Variants in KTN1 observed in about 807,000 individuals in gnomAD.
KTN1 encodes the protein kinectin 1.
In KTN1, 130 loss-of-function variants were observed where a neutral mutation model predicts 222.5. That is an observed-to-expected ratio of 0.58 (90% CI 0.51 to 0.68). KTN1 has a LOEUF of 0.68. Ranked by LOEUF, KTN1 falls within the 30% of genes least tolerant of loss-of-function variation. The pLI is 0.00. For synonymous variants in KTN1, 512 were observed against 496.3 expected, an observed-to-expected ratio of 1.03 and a Z score of -0.42; for missense variants, 1,508 against 1,500.4, an observed-to-expected ratio of 1.01 and a Z score of -0.08.
chr14:55,663,139 C>T (rs1180182557), intron 32 of KTN1: 1 of 336,654 alleles, frequency 3.0e-6, no homozygotes, highest in African/African-American at 2.1e-5. Flanking sequence ...AATTTGTGAA[C>T]TGCCAAGTAC....
chr14:55,602,206 T>C (rs2036076703), intron 1 of KTN1, among the ~76,000 whole-genome samples: 1 of 152,260 alleles, frequency 6.6e-6, no homozygotes, highest in Admixed American at 6.5e-5. Context: ...TTTATCACAC[T>C]GCAGTATGTT....
chr14:55,648,694 C>T (rs2042635196), intron 20 of KTN1, 108 bp from the exon 21 acceptor site: 10 of 749,096 alleles, frequency 1.3e-5, no homozygotes, highest in South Asian at 3.3e-5. Flanking sequence ...TTTGGGCCTT[C>T]CAGAGTAGAA....
intron 1 of KTN1, among the ~76,000 whole-genome samples, chr14:55,602,076 T>G (rs2036055823): frequency 6.6e-6 from 1 of 152,152 alleles, no homozygotes; most frequent in African/African-American, 2.4e-5. Context: ...GAAACTTTAT[T>G]TGGATGTTTT....
At position 55,675,820 on chromosome 14, in the gene KTN1, C is replaced by T. The variant is rs991881623; in HGVS notation, c.3772-15C>T. On this transcript the variant is annotated splice_polypyrimidine_tract_variant and intron_variant, in intron 40 of 43. Transcript: ENST00000395314. Reference sequence around the variant, plus strand: ...TGCAAATTAAGTTAATTGTGGTGTTCCTTTATTTTTACAGTTGAAGGCACA... The same window carrying T: ...TGCAAATTAAGTTAATTGTGGTGTTTCTTTATTTTTACAGTTGAAGGCACA... 1 of 1,544,714 alleles carries T rather than the reference C, an allele frequency of 6.5e-7. No individual in the cohort carries two copies. Among genetic ancestry groups the T allele is most frequent in the Non-Finnish European group, 8.9e-7 (1 of 1,117,624 alleles).
intron 41 of KTN1, among the ~76,000 whole-genome samples, chr14:55,677,473 TAAAAAAAAA>T (rs72424779): frequency 1.0e-5 from 1 of 98,338 alleles, no homozygotes; most frequent in African/African-American, 4.2e-5. Context: ...AAAGACTGTC[TAAAAAAAAA>T]AAAAAAAAAA....
chr14:55,658,653 C>G (rs1055939202), intron 30 of KTN1, 39 bp downstream of exon 30: 2 of 1,259,646 alleles, frequency 1.6e-6, no homozygotes, highest in Non-Finnish European at 2.3e-6. Flanking sequence ...ACTTACGTGG[C>G]AAAAAAATTA....
At chr14:55,659,603 C>G in intron 30 of KTN1, 63 bp from the exon 31 acceptor site, 1 of 960,156 alleles carries the variant, frequency 1.0e-6, no homozygotes, top group Non-Finnish European at 1.7e-6. Flanking sequence ...TTGAGAAAAG[C>G]TTCAATGTTT....
In KTN1 at chr14:55,648,131, G is replaced by A; in HGVS notation, c.2298+16G>A. ...GGAGCTGAATGTAAAGCATTTTGTA[G>A]TTTTGTTTTCCTTGTGATTATTCAG... is the stretch of plus-strand genomic sequence containing the variant. On this transcript the variant is annotated intron_variant, in intron 20 of 43. Coordinates refer to ENST00000395314, the MANE Select transcript of KTN1 (RefSeq NM_001079521.2). 1 of 1,385,666 alleles carries A rather than the reference G, an allele frequency of 7.2e-7. No individual in the cohort carries two copies. Among genetic ancestry groups the A allele is most frequent in the South Asian group, 1.3e-5 (1 of 76,506 alleles). 85.8% of individuals were successfully genotyped at this position (1,385,666 alleles called of 1,614,324 possible).
intron 6 of KTN1, among the ~76,000 whole-genome samples, chr14:55,628,244 T>C (rs2040094296): frequency 6.6e-6 from 1 of 152,238 alleles, no homozygotes. Flanking sequence ...TACTTACAGA[T>C]ATCCTAGCTT....
In KTN1 at chr14:55,651,882, T is replaced by C; in HGVS notation, c.2566-8T>C. 1 of 1,544,138 alleles carries C rather than the reference T, an allele frequency of 6.5e-7. No homozygotes were observed. Among genetic ancestry groups the C allele is most frequent in the Non-Finnish European group, 8.9e-7 (1 of 1,123,100 alleles). On this transcript the variant is annotated splice_region_variant and splice_polypyrimidine_tract_variant and intron_variant, in intron 24 of 43. Transcript: ENST00000395314. ...TATTAATTGATTTTTCTGTCCTTTG[T>C]ATTTCAGTTATCTATCACTTCCAAA...
chr14:55,602,100 T>A (rs1429128996), intron 1 of KTN1, among the ~76,000 whole-genome samples: 1 of 152,226 alleles, frequency 6.6e-6, no homozygotes, highest in Non-Finnish European at 1.5e-5. Flanking sequence ...TTGATTTGAA[T>A]GATACAGCCT....
chr14:55,627,253 C>T (rs79618862), intron 5 of KTN1, among the ~76,000 whole-genome samples: 11,751 of 151,966 alleles, frequency 0.077, 506 homozygotes, highest in South Asian at 0.12. Flanking sequence ...AAAATCTGTT[C>T]CTTGGTTGAT....
intron 1 of KTN1, among the ~76,000 whole-genome samples, chr14:55,590,671 A>G (rs1304765354): frequency 6.7e-6 from 1 of 149,364 alleles, no homozygotes; most frequent in African/African-American, 2.5e-5. Context: ...CCTTGTTATC[A>G]GGATATTCTT....
intron 25 of KTN1, among the ~76,000 whole-genome samples, chr14:55,652,601 G>A (rs371751816): frequency 2.5e-4 from 38 of 152,012 alleles, no homozygotes; most frequent in East Asian, 2.1e-3. Flanking sequence ...GGGTTTCACC[G>A]TGTTAGCCAG....
At chr14:55,644,780 A>T (rs930154766) in intron 18 of KTN1, among the ~76,000 whole-genome samples, 1 of 152,128 alleles carries the variant, frequency 6.6e-6, no homozygotes, top group African/African-American at 2.4e-5. Flanking sequence ...GGGAGGAAAC[A>T]GTAGGATTGG....
intron 33 of KTN1, 110 bp downstream of exon 33, chr14:55,664,151 C>G: frequency 1.5e-6 from 1 of 683,762 alleles, no homozygotes; most frequent in Non-Finnish European, 2.5e-6. Context: ...ATAAAATCTC[C>G]TTATCCATAT....
At chr14:55,626,081 G>C (rs2140860272) in intron 5 of KTN1, among the ~76,000 whole-genome samples, 1 of 152,046 alleles carries the variant, frequency 6.6e-6, no homozygotes, top group South Asian at 2.1e-4. Context: ...TCAGTCATTA[G>C]ATTCAAGTTA....
chr14:55,635,555 C>G (rs1270083060), intron 9 of KTN1, among the ~76,000 whole-genome samples: 1 of 152,146 alleles, frequency 6.6e-6, no homozygotes, highest in African/African-American at 2.4e-5. Flanking sequence ...GTCACTTGGT[C>G]CAGTGAGATG....
Position 55,637,819 on chromosome 14 carries a change from A to C in KTN1, c.1757A>C (p.Gln586Pro). Residue 586 changes from glutamine to proline, a missense_variant, in exon 12 of 44, where the codon CAG becomes CCG. Gln to Pro is a moderately conservative substitution (Grantham distance 76). Coordinates refer to ENST00000395314, the MANE Select transcript of KTN1 (RefSeq NM_001079521.2). ...AATGAGGCTTTGAAAGCTCAAATTC[A>C]GCAGTTCCATTCCCAGATAGCAGCC... ...EQNEALKAQI[Q>P]QFHSQIAAQT... The C allele has an allele frequency of 6.2e-7, 1 of 1,611,556 alleles. No individual in the cohort carries two copies. The highest frequency in any genetic ancestry group is 8.5e-7 in the Non-Finnish European group (1 of 1,178,328).
Sources: allele counts gnomAD v4.1 joint callset (sites outside exome capture counted in the v4.1 genomes callset), GRCh38; gene constraint gnomAD v4.1.1; transcripts MANE v1.5; gene names NCBI Gene and HGNC (gene_info 2026-07-23, HGNC 2026-07-21).